The following INPP5E variants were observed in gnomAD, a reference collection of about 807,000 sequenced individuals.
INPP5E encodes the protein phosphatidylinositol polyphosphate 5-phosphatase type IV.
Under a neutral mutation model 50.5 loss-of-function variants are expected in INPP5E, and 34 were observed. That is an observed-to-expected ratio of 0.67 (90% confidence interval 0.51 to 0.90). The LOEUF (loss-of-function observed/expected upper bound fraction) is 0.90. INPP5E is among the 40% of genes least tolerant of loss of function. INPP5E has a pLI of 0.00. For synonymous variants in INPP5E, 447 were observed against 406.0 expected, an observed-to-expected ratio of 1.10 and a Z score of -1.21; for missense variants, 942 against 905.5, an observed-to-expected ratio of 1.04 and a Z score of -0.52.
intron 1 of INPP5E, chr9:136,438,339 C>T: frequency 1.7e-6 from 1 of 577,744 alleles, no homozygotes. Flanking sequence ...AGAAAAAGCG[C>T]CAGATACGTA....
At position 136,430,987 on chromosome 9, in the gene INPP5E, G is replaced by C; in HGVS notation, c.1665+15C>G. Reference sequence around the variant, plus strand: ...CCTGGAAGCACTCTGCACCGCAGCGGTGGGCAGGCCTCACCGTGTATGAGG... The same window carrying C: ...CCTGGAAGCACTCTGCACCGCAGCGCTGGGCAGGCCTCACCGTGTATGAGG... On this transcript the variant is annotated intron_variant, in intron 8 of 9. Transcript: ENST00000371712. 1 of 1,558,474 alleles carries C rather than the reference G, an allele frequency of 6.4e-7. No homozygotes were observed. Among genetic ancestry groups the C allele is most frequent in the Non-Finnish European group, 8.9e-7 (1 of 1,129,918 alleles).
Position 136,432,890 on chromosome 9 carries a change from G to A in INPP5E, c.1279+66C>T, listed in dbSNP as rs564536925. ...GCGGTCAGGACCCCTGCCTTGGACA[G>A]GGTCCCGGTCAGGAGAGGAAGCTGT... On this transcript the variant is annotated intron_variant, in intron 5 of 9. Transcript: ENST00000371712. 2.8e-5 allele frequency: 45 copies of A among 1,579,984 alleles called. No individual in the cohort carries two copies. In the Admixed American group the frequency reaches 6.0e-4, roughly 21 times the overall value.
At chr9:136,431,742 C>G in intron 7 of INPP5E, 82 bp downstream of exon 7, 1 of 183,504 alleles carries the variant, frequency 5.4e-6, no homozygotes, top group South Asian at 2.5e-5. Context: ...GCCCTCACCT[C>G]TCCTCATCTC....
intron 3 of INPP5E, 112 bp downstream of exon 3, chr9:136,433,925 C>T: frequency 1.2e-6 from 1 of 850,956 alleles, no homozygotes; most frequent in East Asian, 2.7e-5. Flanking sequence ...GATGGCAGCC[C>T]CCGGGCAGGC....
In INPP5E at chr9:136,432,440, C is replaced by A. The variant is rs1323247273; in HGVS notation, c.1387+39G>T. 3 of 1,393,288 alleles carry A rather than the reference C, an allele frequency of 2.2e-6. No individual in the cohort carries two copies. The Admixed American group carries it at 5.9e-5, about 27-fold the overall frequency. 86.3% of individuals were successfully genotyped at this position (1,393,288 alleles called of 1,614,324 possible). ...AAACGACGGGCGCCCGTGTGCGAAC[C>A]ACGGCGGCACCACCCACACGCAGCG... On this transcript the variant is annotated intron_variant, in intron 6 of 9. Transcript: ENST00000371712.
chr9:136,435,061 C>A (rs1399544381), intron 1 of INPP5E, among the ~76,000 whole-genome samples, 198 bp from the exon 2 acceptor site: 2 of 152,226 alleles, frequency 1.3e-5, no homozygotes, highest in Non-Finnish European at 2.9e-5. Context: ...GCACAAACAC[C>A]CAGAGCGGGT....
At chr9:136,432,436 G>T in intron 6 of INPP5E, 43 bp downstream of exon 6, 1 of 1,369,372 alleles carries the variant, frequency 7.3e-7, no homozygotes, top group Non-Finnish European at 1.0e-6. Context: ...GCCCGTGTGC[G>T]AACCACGGCG....
intron 1 of INPP5E, chr9:136,435,501 C>T (rs553853499): frequency 5.2e-5 from 8 of 153,058 alleles, no homozygotes; most frequent in African/African-American, 1.7e-4. Context: ...TGCAGTGCCA[C>T]CACGCCCGGC....
At position 136,438,864 on chromosome 9, in the gene INPP5E, G is replaced by A; in HGVS notation, c.556C>T (p.Pro186Ser). Residue 186 changes from proline (P) to serine (S), a missense_variant, in exon 1 of 10, where the codon CCC becomes TCC. Pro to Ser is a moderately conservative substitution (Grantham distance 74). Coordinates refer to ENST00000371712, the MANE Select transcript of INPP5E (RefSeq NM_019892.6). ...AAVAGSSPRL[P>S]SLLPPRPPPA... Reference sequence around the variant, plus strand: ...GGTGGGCGCGGGGGCAGCAGGCTGGGCAGCCTGGGCGAGCTCCCCGCCACG... The same window carrying A: ...GGTGGGCGCGGGGGCAGCAGGCTGGACAGCCTGGGCGAGCTCCCCGCCACG... The A allele has an allele frequency of 6.3e-7, 1 of 1,594,708 alleles. No individual in the cohort carries two copies. The highest frequency in any genetic ancestry group is 1.3e-5 in the African/African-American group (1 of 74,624).
At chr9:136,434,902 G>T in intron 1 of INPP5E, 39 bp from the exon 2 acceptor site, 1 of 1,585,998 alleles carries the variant, frequency 6.3e-7, no homozygotes, top group South Asian at 1.1e-5. Context: ...CCAGGCACAG[G>T]ACACATCCCT....
At position 136,434,129 on chromosome 9, in the gene INPP5E, G is replaced by T; in HGVS notation, c.942C>A (p.Leu314=). The change falls in exon 3 of 10, where the codon CTC becomes CTA. Residue 314 remains leucine, a synonymous_variant. Transcript: ENST00000371712. ...ATWNMQGQKE[L]PPSLDEFLLP... ...GCAGGAACTCGTCCAGGCTGGGCGG[G>T]AGCTCCTGGAAGGAGGGAGCATGTG... is the stretch of plus-strand genomic sequence containing the variant. 6.2e-7 allele frequency: 1 copy of T among 1,605,700 alleles called. No individual in the cohort carries two copies. Among genetic ancestry groups the T allele is most frequent in the Non-Finnish European group, 8.5e-7 (1 of 1,177,776 alleles).
rs892898072 is a variant in INPP5E at position 136,439,472 on chromosome 9, G to C, written c.-53C>G. 7.6e-7 allele frequency: 1 copy of C among 1,321,992 alleles called. No homozygotes were observed. The highest frequency in any genetic ancestry group is 9.8e-7 in the Non-Finnish European group (1 of 1,016,680). 81.9% of individuals were successfully genotyped at this position (1,321,992 alleles called of 1,614,324 possible). On this transcript the variant is annotated 5_prime_UTR_variant, in exon 1 of 10. Transcript: ENST00000371712. ...GCGCGAGGCCGCAGGCAGCGCGAGG[G>C]GTCACGGGTGCCGGGTCCGGGGTCG...
Position 136,431,838 on chromosome 9 carries a change from C to T in INPP5E, c.1535G>A (p.Arg512Gln), listed in dbSNP as rs750777734. 31 of 1,606,418 alleles carry T rather than the reference C, an allele frequency of 1.9e-5. No individual in the cohort carries two copies. The highest frequency in any genetic ancestry group is 1.6e-4 in the African/African-American group (12 of 72,750). ...PALLQHDQLI[R>Q]EMRKGSIFKG... ...CAGGCCCTCACCTTTCCGCATCTCCCGGATGAGCTGGTCGTGCTGCAGCAG... is the reference window on the plus strand; with the variant it reads ...CAGGCCCTCACCTTTCCGCATCTCCTGGATGAGCTGGTCGTGCTGCAGCAG... The change falls in exon 7 of 10, where the codon CGG becomes CAG. Residue 512 changes from arginine (R) to glutamine (Q), a missense_variant. Physicochemically the swap from Arg to Gln is conservative, Grantham distance 43 (BLOSUM62 1). Coordinates refer to ENST00000371712, the MANE Select transcript of INPP5E (RefSeq NM_019892.6).
chr9:136,437,750 TTG>T (rs1409588033), intron 1 of INPP5E: 2 of 152,728 alleles, frequency 1.3e-5, no homozygotes, highest in Non-Finnish European at 2.9e-5. Flanking sequence ...CAGACAAGAC[TTG>T]GGCACCATGG....
At position 136,439,124 on chromosome 9, in the gene INPP5E, C is replaced by G. The variant is rs1289208821; in HGVS notation, c.296G>C (p.Ser99Thr). The stretch of plus-strand genomic sequence containing the variant: ...ATTCCGGGCTTCCAGGTCCTCCTGG[C>G]TGCCTCGAAAACGCCTCCTCCTCCA... ...KGWRRRRFRG[S>T]QEDLEARNGT... The change falls in exon 1 of 10, where the codon AGC becomes ACC. Residue 99 changes from serine to threonine, a missense_variant. Coordinates refer to ENST00000371712, the MANE Select transcript of INPP5E (RefSeq NM_019892.6). The G allele has an allele frequency of 6.3e-7, 1 of 1,585,020 alleles. No homozygotes were observed. The highest frequency in any genetic ancestry group is 8.6e-7 in the Non-Finnish European group (1 of 1,168,810).
chr9:136,438,590 C>T lies in INPP5E; in HGVS notation c.812+18G>A, dbSNP rs1308934057. The T allele has an allele frequency of 2.1e-6, 3 of 1,412,066 alleles. No individual in the cohort carries two copies. Among genetic ancestry groups the T allele is most frequent in the South Asian group, 2.5e-5 (2 of 80,000 alleles). 87.5% of individuals were successfully genotyped at this position (1,412,066 alleles called of 1,614,324 possible). A position where few individuals can be genotyped will look rare whatever the true frequency, so the allele number is the denominator to read the frequency against. ...AACGAAGGCGGCGCGGGCGCTGCAC[C>T]CGCCAGGCCCTCCCTACCTGCTGCG... On this transcript the variant is annotated intron_variant, in intron 1 of 9. Coordinates refer to ENST00000371712, the MANE Select transcript of INPP5E (RefSeq NM_019892.6).
intron 2 of INPP5E, 124 bp from the exon 3 acceptor site, chr9:136,434,258 G>T (rs1260004325): frequency 2.8e-6 from 2 of 715,638 alleles, no homozygotes; most frequent in East Asian, 2.7e-5. Context: ...TGAGGCCAGG[G>T]CCAAAAAGGG....
Position 136,433,092 on chromosome 9 carries a change from C to T in INPP5E, c.1160-17G>A. The T allele has an allele frequency of 6.2e-7, 1 of 1,608,298 alleles. No homozygotes were observed. Among genetic ancestry groups the T allele is most frequent in the Non-Finnish European group, 8.5e-7 (1 of 1,177,412 alleles). ...ACTCCACCTCTGTGGGAGGGGCAGC[C>T]CTCAGCTCACCTGTGGGACGCTGCC... On this transcript the variant is annotated splice_polypyrimidine_tract_variant and intron_variant, in intron 4 of 9. Transcript: ENST00000371712.
At position 136,438,930 on chromosome 9, in the gene INPP5E, C is replaced by A. The variant is rs1257673510; in HGVS notation, c.490G>T (p.Val164Leu). The change falls in exon 1 of 10, where the codon GTG (valine) becomes TTG (leucine). Residue 164 changes from valine (V) to leucine (L), a missense_variant. Physicochemically the swap from Val to Leu is conservative, Grantham distance 32. Coordinates refer to ENST00000371712, the MANE Select transcript of INPP5E (RefSeq NM_019892.6). ...PSSGGNPLSG[V>L]ASSSPNLPHR... ...GGGAGGTTCGGGGAGCTGCTGGCCA[C>A]CCCAGAGAGAGGGTTACCCCCCGAG... 4 of 1,570,604 alleles carry A rather than the reference C, an allele frequency of 2.5e-6. No individual in the cohort carries two copies. Among genetic ancestry groups the A allele is most frequent in the Non-Finnish European group, 3.5e-6 (4 of 1,158,390 alleles).
Sources: allele counts gnomAD v4.1 joint callset (sites outside exome capture counted in the v4.1 genomes callset), GRCh38; gene constraint gnomAD v4.1.1; transcripts MANE v1.5; gene names NCBI Gene and HGNC (gene_info 2026-07-23, HGNC 2026-07-21).